Variants in NUP155 observed in about 807,000 individuals in gnomAD.
The protein encoded by NUP155 is nucleoporin 155.
Under a neutral mutation model 180.4 loss-of-function variants are expected in NUP155, and 71 were observed. That is an observed-to-expected ratio of 0.39 (90% confidence interval 0.33 to 0.48). The LOEUF (loss-of-function observed/expected upper bound fraction) is 0.48. Ranked by LOEUF, NUP155 falls within the 20% of genes least tolerant of loss-of-function variation. The pLI is 0.91. For missense variants in NUP155, 1,553 were observed against 1,648.9 expected, an observed-to-expected ratio of 0.94 and a Z score of 1.01; for synonymous variants, 582 against 559.5, an observed-to-expected ratio of 1.04 and a Z score of -0.57.
intron 9 of NUP155, among the ~76,000 whole-genome samples, chr5:37,347,729 C>T (rs756257646): frequency 4.0e-5 from 6 of 150,044 alleles, no homozygotes; most frequent in Admixed American, 1.3e-4. Flanking sequence ...TGGCCAGGCA[C>T]GGTGGCTCAC....
chr5:37,297,331 T>G (rs1160738751), intron 32 of NUP155, among the ~76,000 whole-genome samples: 2 of 152,084 alleles, frequency 1.3e-5, no homozygotes, highest in Non-Finnish European at 2.9e-5. Flanking sequence ...CATGATTATT[T>G]CTAAATTAAA....
Position 37,293,765 on chromosome 5 carries a change from C to G in NUP155, c.3930+564G>C, listed in dbSNP as rs1009678053. ...CTGTAATCCCAGCACTTTGGGAGGC[C>G]GAGGCGGGTGGATCATGAGGTCAGG... On this transcript the variant is annotated intron_variant, in intron 33 of 34. Coordinates refer to ENST00000231498, the MANE Select transcript of NUP155 (RefSeq NM_153485.3). Among the ~76,000 whole-genome samples, 8 of 76,536 alleles carry G rather than the reference C, an allele frequency of 1.0e-4. 1 individual carries two copies. In the East Asian group the frequency reaches 2.1e-3, roughly 20 times the overall value. 50.2% of individuals were successfully genotyped at this position (76,536 alleles called of 152,430 possible).
At position 37,357,829 on chromosome 5, in the gene NUP155, C is replaced by T. The variant is rs984335272; in HGVS notation, c.463+252G>A. Among the ~76,000 whole-genome samples the T allele has an allele frequency of 1.1e-4, 16 of 151,952 alleles. 1 individual carries two copies. In the East Asian group the frequency reaches 1.4e-3, roughly 13 times the overall value. ...CCAACATGGCGGAGCCCCGTCTCTA[C>T]TAAAAATACAAAAATTAGCTGGGTG... On this transcript the variant is annotated intron_variant, in intron 4 of 34. Transcript: ENST00000231498.
At chr5:37,306,507 G>A (rs1476949907) in intron 25 of NUP155, among the ~76,000 whole-genome samples, 1 of 152,042 alleles carries the variant, frequency 6.6e-6, no homozygotes, top group Non-Finnish European at 1.5e-5. Context: ...CTGCTCTGAC[G>A]CCCAGGCTGG....
intron 1 of NUP155, among the ~76,000 whole-genome samples, chr5:37,366,659 A>C (rs994828727): frequency 2.1e-4 from 20 of 96,294 alleles, no homozygotes; most frequent in South Asian, 4.4e-4. Context: ...GGATAGTCTC[A>C]ATCTTTTTTT....
rs571479640 is a variant in NUP155, at chr5:37,297,932, T to C, written c.3793+936A>G. Among the ~76,000 whole-genome samples the C allele has an allele frequency of 5.7e-4, 65 of 114,986 alleles. No individual in the cohort carries two copies. In the East Asian group the frequency reaches 0.011, roughly 20 times the overall value. The allele number at this position is 114,986 out of a possible 152,430, so 75.4% of individuals were successfully genotyped here. ...TCTGTAAACAAGTTTGAATGCTCAT[T>C]TGAAAAAAAAAAAAAAAAAATTAGG... On this transcript the variant is annotated intron_variant, in intron 32 of 34. Transcript: ENST00000231498.
chr5:37,336,166 T>C (rs1193229337), intron 12 of NUP155, among the ~76,000 whole-genome samples: 2 of 152,072 alleles, frequency 1.3e-5, no homozygotes, highest in African/African-American at 4.8e-5. Context: ...TCAAATTATA[T>C]GACATGCAGC....
chr5:37,316,090 T>C (rs1417859134), intron 21 of NUP155, among the ~76,000 whole-genome samples: 2 of 152,224 alleles, frequency 1.3e-5, no homozygotes, highest in Non-Finnish European at 2.9e-5. Context: ...AAGCAGAGGC[T>C]TTAATTTGTA....
At chr5:37,370,515 T>G (rs1287323238) in intron 1 of NUP155, among the ~76,000 whole-genome samples, 1 of 152,272 alleles carries the variant, frequency 6.6e-6, no homozygotes, top group African/African-American at 2.4e-5. Context: ...CTGGAGATGC[T>G]TCTCATATGG....
At chr5:37,299,664 A>T in intron 30 of NUP155, 96 bp from the exon 31 acceptor site, 1 of 1,223,748 alleles carries the variant, frequency 8.2e-7, no homozygotes, top group Non-Finnish European at 1.2e-6. Context: ...ATAACCAAAG[A>T]TTTTACATAA....
At chr5:37,299,876 TTA>T (rs1491506417) in intron 30 of NUP155, among the ~76,000 whole-genome samples, 1 of 121,292 alleles carries the variant, frequency 8.2e-6, no homozygotes, top group African/African-American at 6.0e-5. Flanking sequence ...CTACTAAAAT[TTA>T]AAAAAAAAAA....
At chr5:37,325,213 A>C (rs555824090) in intron 19 of NUP155, among the ~76,000 whole-genome samples, 13 of 152,268 alleles carry the variant, frequency 8.5e-5, no homozygotes, top group African/African-American at 3.1e-4. Flanking sequence ...ATTCATAGAA[A>C]TTAGTGCTGG....
intron 31 of NUP155, 47 bp from the exon 32 acceptor site, chr5:37,299,025 TG>T: frequency 9.4e-7 from 1 of 1,067,406 alleles, no homozygotes; most frequent in Non-Finnish European, 1.5e-6. Context: ...ACTTTTAATG[TG>T]AAATGTTTAC....
At chr5:37,340,174 C>G (rs1248142513) in intron 11 of NUP155, among the ~76,000 whole-genome samples, 1 of 152,156 alleles carries the variant, frequency 6.6e-6, no homozygotes, top group African/African-American at 2.4e-5. Context: ...TGCACGGTGG[C>G]TCATGCCTGT....
chr5:37,291,658 C>T lies in NUP155; in HGVS notation c.*242G>A. ...TAAGAGTTTCTAAATTTTTTTAATC[C>T]TTATGTTAAAATAATAAATAATCTC... On this transcript the variant is annotated 3_prime_UTR_variant, in exon 35 of 35. Coordinates refer to ENST00000231498, the MANE Select transcript of NUP155 (RefSeq NM_153485.3). The T allele has an allele frequency of 1.1e-5, 4 of 365,300 alleles. No individual in the cohort carries two copies. The highest frequency in any genetic ancestry group is 1.5e-5 in the Non-Finnish European group (3 of 200,874). 22.6% of individuals were successfully genotyped at this position (365,300 alleles called of 1,614,324 possible).
intron 9 of NUP155, among the ~76,000 whole-genome samples, chr5:37,344,801 G>A (rs1745969096): frequency 6.6e-6 from 1 of 151,830 alleles, no homozygotes; most frequent in Non-Finnish European, 1.5e-5. Flanking sequence ...GAACCCGGGA[G>A]GTGGAGGTTG....
intron 24 of NUP155, among the ~76,000 whole-genome samples, 166 bp downstream of exon 24, chr5:37,308,963 T>C (rs943174023): frequency 6.6e-6 from 1 of 151,790 alleles, no homozygotes; most frequent in South Asian, 2.1e-4. Context: ...TCATCAAATA[T>C]TGCAACACAA....
intron 5 of NUP155, 41 bp from the exon 6 acceptor site, chr5:37,351,397 C>T (rs1226782226): frequency 2.2e-6 from 3 of 1,388,870 alleles, no homozygotes; most frequent in Non-Finnish European, 3.1e-6. Context: ...ATTAGCTACT[C>T]CACAGTTTTT....
intron 20 of NUP155, among the ~76,000 whole-genome samples, chr5:37,321,852 T>G (rs1250694825): frequency 1.3e-5 from 2 of 152,216 alleles, no homozygotes; most frequent in South Asian, 4.1e-4. Context: ...GCTTTATTAT[T>G]TATTTATGAT....
Sources: gnomAD v4.1 joint callset for allele counts (sites outside exome capture counted in the v4.1 genomes callset) on GRCh38, gnomAD v4.1.1 for gene constraint, MANE v1.5 for transcripts, NCBI Gene and HGNC (gene_info 2026-07-23, HGNC 2026-07-21) for gene names.